Variants in FAM149B1 observed in about 807,000 individuals in gnomAD.
FAM149B1 encodes primary cilium assembly protein FAM149B1.
A neutral mutation model predicts 75.3 loss-of-function variants in FAM149B1; 56 were observed. That is an observed-to-expected ratio of 0.74 (90% CI 0.60 to 0.93). The LOEUF is 0.93. Ranked by LOEUF, FAM149B1 falls within the 40% of genes least tolerant of loss-of-function variation. The probability of loss-of-function intolerance (pLI) is 0.00; values close to 1 mark genes in which losing one functional copy is unlikely to be tolerated. For synonymous variants in FAM149B1, 259 were observed against 256.1 expected (o/e 1.01, Z -0.11); for missense variants, 639 against 708.4 (o/e 0.90, Z 1.11).
At chr10:73,232,677 GTGGATAA>G (rs1215161982) in intron 9 of FAM149B1, among the ~76,000 whole-genome samples, 3 of 152,234 alleles carry the variant, frequency 2.0e-5, no homozygotes, top group Non-Finnish European at 4.4e-5. Flanking sequence ...GTGATGGCAG[GTGGATAA>G]TGGACTTGCT....
intron 1 of FAM149B1, 39 bp downstream of exon 1, chr10:73,168,425 G>A: frequency 6.5e-7 from 1 of 1,547,714 alleles, no homozygotes; most frequent in South Asian, 1.2e-5. Context: ...GGGGCGGGCG[G>A]CGGGCGCTCT....
intron 1 of FAM149B1, among the ~76,000 whole-genome samples, chr10:73,169,810 T>C (rs2133287896): frequency 6.6e-6 from 1 of 152,272 alleles, no homozygotes; most frequent in South Asian, 2.1e-4. Flanking sequence ...ATCTTCAGTC[T>C]TTCAGAAGAT....
chr10:73,208,473 G>C, intron 5 of FAM149B1, 146 bp from the exon 6 acceptor site: 3 of 527,174 alleles, frequency 5.7e-6, no homozygotes, highest in Non-Finnish European at 1.0e-5. Context: ...CCTGTTCTGA[G>C]AAATGGTAGG....
At chr10:73,239,138 G>T in intron 12 of FAM149B1, 174 bp from the exon 13 acceptor site, 1 of 545,662 alleles carries the variant, frequency 1.8e-6, no homozygotes, top group South Asian at 2.6e-5. Flanking sequence ...TGGGCATCTG[G>T]CTTGGGATTT....
chr10:73,196,136 A>ATG (rs2042798767), intron 5 of FAM149B1, among the ~76,000 whole-genome samples: 1 of 152,134 alleles, frequency 6.6e-6, no homozygotes, highest in Non-Finnish European at 1.5e-5. Context: ...GTACAGTAGG[A>ATG]TGTGCCAGGC....
At chr10:73,240,436 GGC>G (rs1408981400) in intron 13 of FAM149B1, among the ~76,000 whole-genome samples, 2 of 152,158 alleles carry the variant, frequency 1.3e-5, no homozygotes, top group Admixed American at 6.5e-5. Context: ...TAACTGGCTG[GGC>G]GTGGTGGCTC....
At chr10:73,187,738 A>G (rs1202979813) in intron 3 of FAM149B1, among the ~76,000 whole-genome samples, 2 of 151,804 alleles carry the variant, frequency 1.3e-5, no homozygotes, top group Non-Finnish European at 1.5e-5. Flanking sequence ...TCAAAAAAAA[A>G]TTAGAGGACA....
At chr10:73,174,825 C>T in intron 2 of FAM149B1, 34 bp downstream of exon 2, 1 of 1,402,364 alleles carries the variant, frequency 7.1e-7, no homozygotes, top group Non-Finnish European at 9.9e-7. Context: ...TTACTTATTG[C>T]ACTTGCTCAT....
At chr10:73,204,431 G>C (rs1207400438) in intron 5 of FAM149B1, among the ~76,000 whole-genome samples, 1 of 151,962 alleles carries the variant, frequency 6.6e-6, no homozygotes, top group Non-Finnish European at 1.5e-5. Context: ...GCTGCCATGG[G>C]TTTATTCTAT....
At chr10:73,228,409 T>C (rs892960766) in intron 8 of FAM149B1, among the ~76,000 whole-genome samples, 1 of 152,232 alleles carries the variant, frequency 6.6e-6, no homozygotes, top group African/African-American at 2.4e-5. Context: ...AGGAGGCATC[T>C]GTAAGTTGTG....
intron 8 of FAM149B1, among the ~76,000 whole-genome samples, chr10:73,228,617 TGA>T (rs1421721330): frequency 6.6e-6 from 1 of 152,100 alleles, no homozygotes; most frequent in Admixed American, 6.6e-5. Context: ...TCATTTTTTT[TGA>T]GACAGTCTCG....
intron 5 of FAM149B1, among the ~76,000 whole-genome samples, chr10:73,203,971 G>A (rs1206149584): frequency 2.6e-5 from 4 of 151,894 alleles, no homozygotes; most frequent in Admixed American, 2.6e-4. Context: ...AATCTTACAG[G>A]TCATATCCTT....
intron 7 of FAM149B1, 145 bp from the exon 8 acceptor site, chr10:73,227,915 C>A: frequency 1.2e-6 from 1 of 829,380 alleles, no homozygotes; most frequent in Non-Finnish European, 1.9e-6. Flanking sequence ...TTTTTTGAAC[C>A]ATGCAGGTGG....
chr10:73,192,639 G>A lies in FAM149B1; in HGVS notation c.366G>A (p.Val122=), dbSNP rs187496569. 3.2e-6 allele frequency: 5 copies of A among 1,551,538 alleles called. No individual in the cohort carries two copies. The African/African-American group carries it at 4.1e-5, about 13-fold the overall frequency. Reference sequence around the variant, plus strand: ...TCTTGTATGAGCAGAAGTTGAGTGTGCATACCAAGAGTCTACAAGAAGAGT... The same window carrying A: ...TCTTGTATGAGCAGAAGTTGAGTGTACATACCAAGAGTCTACAAGAAGAGT... ...DELLYEQKLS[V]HTKSLQEECQ... Residue 122 remains valine, a synonymous_variant, in exon 4 of 14, where the codon GTG becomes GTA. Coordinates refer to ENST00000242505, the MANE Select transcript of FAM149B1 (RefSeq NM_173348.2).
At chr10:73,234,686 AAC>A in intron 10 of FAM149B1, 129 bp from the exon 11 acceptor site, 1 of 975,322 alleles carries the variant, frequency 1.0e-6, no homozygotes, top group Non-Finnish European at 1.5e-6. Context: ...TCTACTTGAA[AAC>A]ATAGGTAGCC....
intron 13 of FAM149B1, 125 bp downstream of exon 13, chr10:73,239,509 C>T: frequency 3.0e-6 from 2 of 666,512 alleles, no homozygotes; most frequent in South Asian, 4.8e-5. Flanking sequence ...TTTCCCACAT[C>T]TTTGTAAATC....
intron 10 of FAM149B1, chr10:73,234,482 A>G (rs1046796408): frequency 7.4e-6 from 2 of 271,996 alleles, no homozygotes; most frequent in Non-Finnish European, 7.1e-6. Context: ...AGAACTGTCA[A>G]GAATTCCATC....
At chr10:73,188,763 AAGGAAG>A (rs2133328123) in intron 3 of FAM149B1, among the ~76,000 whole-genome samples, 1 of 81,588 alleles carries the variant, frequency 1.2e-5, no homozygotes, top group Non-Finnish European at 2.6e-5. Context: ...GGAGGGAAGG[AAGGAAG>A]GAAGGAAGGA....
At chr10:73,229,992 G>A (rs529235736) in intron 8 of FAM149B1, among the ~76,000 whole-genome samples, 1 of 152,340 alleles carries the variant, frequency 6.6e-6, no homozygotes, top group Non-Finnish European at 1.5e-5. Flanking sequence ...TCCACAGGTA[G>A]TGAAAGAGAA....
Sources: gnomAD v4.1 joint callset for allele counts (sites outside exome capture counted in the v4.1 genomes callset) on GRCh38, gnomAD v4.1.1 for gene constraint, MANE v1.5 for transcripts, NCBI Gene and HGNC (gene_info 2026-07-23, HGNC 2026-07-21) for gene names.